The following PRAMEF15 variants were observed in gnomAD, a reference collection of about 807,000 sequenced individuals.
PRAMEF15 encodes the protein PRAME family member 15.
A neutral mutation model predicts 35.3 loss-of-function variants in PRAMEF15; 21 were observed. The observed-to-expected ratio is 0.59, with a 90% CI of 0.42 to 0.86. PRAMEF15 has a LOEUF of 0.86. Ranked by LOEUF, PRAMEF15 falls within the 40% of genes least tolerant of loss-of-function variation. PRAMEF15 has a pLI of 0.00. For synonymous variants in PRAMEF15, 122 were observed against 223.3 expected, an observed-to-expected ratio of 0.55 and a Z score of 4.05; for missense variants, 360 against 574.1, an observed-to-expected ratio of 0.63 and a Z score of 3.81.
At position 13,316,931 on chromosome 1, in the gene PRAMEF15, A is replaced by G. The variant is rs1553167208; in HGVS notation, c.-17+1273A>G. Among the ~76,000 whole-genome samples, 77 of 149,008 alleles carry G rather than the reference A, an allele frequency of 5.2e-4. 2 individuals are homozygous for G. Among genetic ancestry groups the G allele is most frequent in the Middle Eastern group, 6.8e-3 (2 of 292 alleles). ...AAACTCCATGTTTGTGAAGGGAATCAGTGAATGAGTCCTGGACTTTCACCC... is the reference window on the plus strand; with the variant it reads ...AAACTCCATGTTTGTGAAGGGAATCGGTGAATGAGTCCTGGACTTTCACCC... On this transcript the variant is annotated intron_variant, in intron 1 of 3. Coordinates refer to ENST00000376152, the MANE Select transcript of PRAMEF15 (RefSeq NM_001098376.3).
intron 3 of PRAMEF15, 58 bp downstream of exon 3, chr1:13,320,011 A>C (rs1203358738): frequency 1.2e-6 from 2 of 1,607,862 alleles, no homozygotes; most frequent in African/African-American, 2.7e-5. Flanking sequence ...TACAGTCAAC[A>C]CTAGTGGGCA....
Position 13,322,073 on chromosome 1 carries a change from C to G in PRAMEF15, c.1246C>G (p.Pro416Ala), listed in dbSNP as rs1389981019. 16 of 1,609,286 alleles carry G rather than the reference C, an allele frequency of 9.9e-6. No individual in the cohort carries two copies. The East Asian group carries it at 2.0e-4, about 21-fold the overall frequency. The change falls in exon 4 of 4, where the codon CCT (proline) becomes GCT (alanine). Residue 416 changes from proline to alanine, a missense_variant. Physicochemically the swap from Pro to Ala is conservative, Grantham distance 27. Around this residue, in one of 8 missense-constraint regions of PRAMEF15, gnomAD observed 147 missense variants for 123.5 expected, o/e 1.19. Transcript: ENST00000376152. ...CAAAAACTTATGTGTGGAGCTGTAT[C>G]CTGCCCCCCGAGAGAGTTATGGTGC... ...ILKNLCVELY[P>A]APRESYGADG...
intron 1 of PRAMEF15, among the ~76,000 whole-genome samples, chr1:13,317,525 T>C (rs1357307629): frequency 6.6e-6 from 1 of 151,998 alleles, no homozygotes; most frequent in African/African-American, 2.4e-5. Context: ...CCCAGTATGT[T>C]GGGAGGCCAA....
intron 1 of PRAMEF15, 138 bp from the exon 2 acceptor site, chr1:13,318,254 T>C: frequency 2.1e-6 from 3 of 1,458,154 alleles, no homozygotes; most frequent in Non-Finnish European, 2.8e-6. Context: ...TAATGGCCAC[T>C]GAGTACAGAG....
At chr1:13,319,119 G>C (rs4546911) in intron 2 of PRAMEF15, among the ~76,000 whole-genome samples, 1 of 151,514 alleles carries the variant, frequency 6.6e-6, no homozygotes, top group Non-Finnish European at 1.5e-5. Flanking sequence ...ATTTGAACCC[G>C]GGAAGCAGAG....
intron 1 of PRAMEF15, 42 bp downstream of exon 1, chr1:13,315,700 C>G (rs1244941516): frequency 2.0e-5 from 3 of 151,246 alleles, no homozygotes; most frequent in Non-Finnish European, 4.4e-5. Flanking sequence ...ATCTGACCTA[C>G]AGTCAGTCGG....
chr1:13,318,355 A>G lies in PRAMEF15; in HGVS notation c.-16-37A>G. On this transcript the variant is annotated intron_variant, in intron 1 of 3. Coordinates refer to ENST00000376152, the MANE Select transcript of PRAMEF15 (RefSeq NM_001098376.3). Reference sequence around the variant, plus strand: ...GATGAGATTGCATGGGCTTGGCCTGAGAGTGATGCCTCTTCTCTGGGTTTG... The same window carrying G: ...GATGAGATTGCATGGGCTTGGCCTGGGAGTGATGCCTCTTCTCTGGGTTTG... 7 of 1,520,390 alleles carry G rather than the reference A, an allele frequency of 4.6e-6. No homozygotes were observed. In the South Asian group the frequency reaches 8.2e-5, roughly 18 times the overall value. The allele number at this position is 1,520,390 out of a possible 1,614,324, so 94.2% of individuals were successfully genotyped here. A position where few individuals can be genotyped will look rare whatever the true frequency, so the allele number is the denominator to read the frequency against.
chr1:13,319,068 C>T (rs1640045063), intron 2 of PRAMEF15, among the ~76,000 whole-genome samples: 1 of 151,870 alleles, frequency 6.6e-6, no homozygotes, highest in African/African-American at 2.4e-5. Context: ...GTGGTGGGTT[C>T]CTGTAATCCC....
At chr1:13,317,010 T>A (rs1376323733) in intron 1 of PRAMEF15, among the ~76,000 whole-genome samples, 3 of 150,096 alleles carry the variant, frequency 2.0e-5, no homozygotes, top group African/African-American at 5.0e-5. Context: ...TCAGTTATTC[T>A]TTAAGAAAGC....
intron 3 of PRAMEF15, among the ~76,000 whole-genome samples, chr1:13,320,429 C>CT (rs1241741531): frequency 6.7e-6 from 1 of 149,632 alleles, no homozygotes; most frequent in Non-Finnish European, 1.5e-5. Flanking sequence ...AACAAGATAA[C>CT]TTTTTTTTTC....
At chr1:13,316,180 T>G (rs1640000085) in intron 1 of PRAMEF15, among the ~76,000 whole-genome samples, 1 of 151,652 alleles carries the variant, frequency 6.6e-6, no homozygotes. Context: ...AGTTTTGTAT[T>G]TTTAGTAGAG....
chr1:13,318,233 G>T (rs1445891045), intron 1 of PRAMEF15, among the ~76,000 whole-genome samples, 159 bp from the exon 2 acceptor site: 1 of 152,142 alleles, frequency 6.6e-6, no homozygotes, highest in Non-Finnish European at 1.5e-5. Context: ...AGCAGAGGCA[G>T]AATGCTGGCT....
chr1:13,317,801 A>AAGAG (rs1192662421), intron 1 of PRAMEF15, among the ~76,000 whole-genome samples: 62 of 142,914 alleles, frequency 4.3e-4, no homozygotes, highest in African/African-American at 1.7e-3. Context: ...GAGAGAGAGA[A>AAGAG]AGAGAGAGAG....
intron 3 of PRAMEF15, among the ~76,000 whole-genome samples, chr1:13,320,448 A>G (rs1404998737): frequency 1.3e-5 from 2 of 151,920 alleles, no homozygotes; most frequent in African/African-American, 2.4e-5. Context: ...TCTGAGATGG[A>G]GTTTCACTTT....
rs1569796898 is a variant in PRAMEF15 at position 13,321,727 on chromosome 1, C to T, written c.900C>T (p.Val300=). Residue 300 remains valine (V), a synonymous_variant, in exon 4 of 4, where the codon GTC becomes GTT. Transcript: ENST00000376152. ...LLSCLKTSLK[V]LTITNCVLLE... ...GCTGTCTGAAGACCTCGTTAAAAGT[C>T]CTCACAATAACTAACTGTGTGCTTT... 8.1e-6 allele frequency: 13 copies of T among 1,608,002 alleles called. 2 individuals are homozygous for T. The highest frequency in any genetic ancestry group is 1.7e-4 in the Middle Eastern group (1 of 6,056).
rs1470073846 is a variant in PRAMEF15, at chr1:13,317,490, T to A, written c.-16-902T>A. Among the ~76,000 whole-genome samples the A allele has an allele frequency of 5.3e-3, 807 of 152,018 alleles. 11 individuals carry two copies. The highest frequency in any genetic ancestry group is 0.017 in the African/African-American group (692 of 41,418). On this transcript the variant is annotated intron_variant, in intron 1 of 3. Transcript: ENST00000376152. The stretch of plus-strand genomic sequence containing the variant: ...TCACTGAAATTTTCAATAATGAGGC[T>A]GGGGTGGAGGCTCACACCTATAATC...
rs1639991776 is a variant in PRAMEF15, at chr1:13,315,587, A to C, written c.-88A>C. On this transcript the variant is annotated 5_prime_UTR_variant, in exon 1 of 4. Transcript: ENST00000376152. Reference sequence around the variant, plus strand: ...CTAAAGACCCACAGGAGAGACCCAAAGTCTTCAAGCCTGGAGTTCCTGCTT... The same window carrying C: ...CTAAAGACCCACAGGAGAGACCCAACGTCTTCAAGCCTGGAGTTCCTGCTT... The C allele has an allele frequency of 6.6e-6, 1 of 150,908 alleles. No individual in the cohort carries two copies. The highest frequency in any genetic ancestry group is 6.6e-5 in the Admixed American group (1 of 15,180). The allele number at this position is 150,908 out of a possible 1,614,324, so 9.3% of individuals were successfully genotyped here.
intron 3 of PRAMEF15, among the ~76,000 whole-genome samples, chr1:13,320,211 T>C (rs1310578107): frequency 1.3e-5 from 2 of 151,982 alleles, no homozygotes; most frequent in African/African-American, 4.8e-5. Context: ...GGGGTTCAGA[T>C]CTAGTGAGGG....
At chr1:13,315,840 AG>A (rs1462130497) in intron 1 of PRAMEF15, among the ~76,000 whole-genome samples, 182 bp downstream of exon 1, 1 of 151,644 alleles carries the variant, frequency 6.6e-6, no homozygotes, top group African/African-American at 2.4e-5. Flanking sequence ...ATTTCAAAAA[AG>A]TTGATTGTGC....
Sources: allele counts gnomAD v4.1 joint callset (sites outside exome capture counted in the v4.1 genomes callset), GRCh38; gene constraint gnomAD v4.1.1; regional missense constraint gnomAD v4.1.1; transcripts MANE v1.5; gene names NCBI Gene and HGNC (gene_info 2026-07-23, HGNC 2026-07-21).